The following PACC1 variants were observed in gnomAD, a reference collection of about 807,000 sequenced individuals.
The protein encoded by PACC1 is proton activated chloride channel 1, also known as proton-activated chloride channel.
PACC1 carries 34 observed loss-of-function variants against 39.7 expected under a neutral mutation model. That is an observed-to-expected ratio of 0.86 (90% confidence interval 0.65 to 1.14). PACC1 has a LOEUF of 1.14. Among genes scored for constraint, PACC1 ranks in the 50% most tolerant of loss-of-function variants. PACC1 has a pLI of 0.00. For synonymous variants in PACC1, 127 were observed against 160.6 expected (o/e 0.79, Z 1.58); for missense variants, 379 against 436.4 (o/e 0.87, Z 1.17).
intron 2 of PACC1, among the ~76,000 whole-genome samples, chr1:212,401,036 C>A (rs1357094368): frequency 6.6e-6 from 1 of 151,970 alleles, no homozygotes. Flanking sequence ...CCTTTTTTTT[C>A]TGTTTAGTGT....
At chr1:212,381,683 C>A (rs1185768530) in intron 4 of PACC1, among the ~76,000 whole-genome samples, 1 of 98,066 alleles carries the variant, frequency 1.0e-5, no homozygotes, top group East Asian at 2.5e-4. Flanking sequence ...CACAGACACA[C>A]ACACACACAC....
At chr1:212,412,410 CT>C (rs930109062) in intron 1 of PACC1, among the ~76,000 whole-genome samples, 7 of 152,348 alleles carry the variant, frequency 4.6e-5, no homozygotes, top group African/African-American at 9.6e-5. Context: ...TTGCCTGCCC[CT>C]GGCCAAATTC....
At chr1:212,383,133 G>T (rs1367532934) in intron 4 of PACC1, among the ~76,000 whole-genome samples, 1 of 152,216 alleles carries the variant, frequency 6.6e-6, no homozygotes, top group Non-Finnish European at 1.5e-5. Flanking sequence ...TGGACTTCAA[G>T]AAATTGATGG....
chr1:212,389,384 G>A (rs1440237628), intron 2 of PACC1, among the ~76,000 whole-genome samples: 11 of 152,192 alleles, frequency 7.2e-5, no homozygotes, highest in Admixed American at 3.9e-4. Context: ...TTTCAACTAC[G>A]GCTAATGCAG....
At chr1:212,375,101 G>C (rs1490251735) in intron 7 of PACC1, 92 bp downstream of exon 7, 6 of 1,034,272 alleles carry the variant, frequency 5.8e-6, no homozygotes, top group Non-Finnish European at 7.1e-6. Context: ...AGACTTCAGG[G>C]CAGCATCATA....
intron 2 of PACC1, among the ~76,000 whole-genome samples, chr1:212,396,691 C>A (rs1661532005): frequency 7.3e-6 from 1 of 137,142 alleles, no homozygotes; most frequent in Non-Finnish European, 1.6e-5. Flanking sequence ...AAACGCCAAC[C>A]AGGATAACTT....
rs539370281 is a variant in PACC1 at position 212,388,785 on chromosome 1, G to A, written c.134-1685C>T. ...GTGGCATTTTGTTACAGCAGTCTGA[G>A]CTGACTAAGATACTCCCACAGGGCT... On this transcript the variant is annotated intron_variant, in intron 2 of 7. Transcript: ENST00000261455. Among the ~76,000 whole-genome samples the A allele has an allele frequency of 5.7e-4, 87 of 152,276 alleles. 1 individual carries two copies. Among genetic ancestry groups the A allele is most frequent in the Non-Finnish European group, 9.7e-4 (66 of 68,016 alleles).
Position 212,384,417 on chromosome 1 carries a change from T to G in PACC1, c.495+857A>C, listed in dbSNP as rs531428436. On this transcript the variant is annotated intron_variant, in intron 4 of 7. Transcript: ENST00000261455. ...TTCTTTTCTCATCTGGCCATTACTC[T>G]GTCCACAGCTTCATCACCCATCAGT... 7.2e-5 allele frequency among the ~76,000 whole-genome samples: 11 copies of G among 152,334 alleles called. No individual in the cohort carries two copies. The South Asian group carries it at 1.4e-3, about 20-fold the overall frequency.
chr1:212,391,123 G>A (rs1661304620), intron 2 of PACC1, among the ~76,000 whole-genome samples: 1 of 152,232 alleles, frequency 6.6e-6, no homozygotes, highest in African/African-American at 2.4e-5. Context: ...TTTGAGATCT[G>A]AGAACAGACA....
intron 6 of PACC1, 113 bp downstream of exon 6, chr1:212,377,449 T>TACTC: frequency 7.0e-7 from 1 of 1,423,950 alleles, no homozygotes; most frequent in Non-Finnish European, 9.6e-7. Flanking sequence ...GACCAAGGCC[T>TACTC]ACTCACCCTT....
rs1274269762 is a variant in PACC1 at position 212,410,470 on chromosome 1, G to C, written c.88C>G (p.Gln30Glu). Reference protein sequence around the residue: ...VVENSELADEQDKETVRVQGP... With the variant: ...VVENSELADEEDKETVRVQGP... The stretch of plus-strand genomic sequence containing the variant: ...TGGACTCTGACCGTCTCCTTGTCCT[G>C]CTCGTCTGCCAGCTCTGAGTTCTCA... Residue 30 changes from glutamine (Q) to glutamate (E), a missense_variant, in exon 2 of 8, where the codon CAG becomes GAG. Physicochemically the swap from Gln to Glu is conservative, Grantham distance 29 (BLOSUM62 2). Coordinates refer to ENST00000261455, the MANE Select transcript of PACC1 (RefSeq NM_018252.3). 1.2e-6 allele frequency: 2 copies of C among 1,614,160 alleles called. No individual in the cohort carries two copies. Among genetic ancestry groups the C allele is most frequent in the Non-Finnish European group, 1.7e-6 (2 of 1,180,020 alleles).
intron 7 of PACC1, among the ~76,000 whole-genome samples, chr1:212,368,277 A>G (rs907488780): frequency 6.6e-6 from 1 of 152,194 alleles, no homozygotes; most frequent in African/African-American, 2.4e-5. Flanking sequence ...ATGGGTATAA[A>G]CAAGGGCAGA....
At chr1:212,365,425 G>GT in intron 7 of PACC1, 49 bp from the exon 8 acceptor site, 1 of 1,023,668 alleles carries the variant, frequency 9.8e-7, no homozygotes, top group Admixed American at 2.7e-5. Context: ...CTTCAGTCTT[G>GT]ATTCTTTTTT....
chr1:212,377,343 C>T (rs1321097069), intron 6 of PACC1, among the ~76,000 whole-genome samples: 2 of 152,306 alleles, frequency 1.3e-5, no homozygotes, highest in Non-Finnish European at 2.9e-5. Context: ...ACATGCATTC[C>T]GTGAGGACTG....
intron 2 of PACC1, among the ~76,000 whole-genome samples, chr1:212,403,590 T>C (rs1428531576): frequency 6.6e-6 from 1 of 152,084 alleles, no homozygotes; most frequent in East Asian, 1.9e-4. Flanking sequence ...TGAGACAGGG[T>C]CTCTCACTCT....
chr1:212,383,225 C>T (rs915268552), intron 4 of PACC1, among the ~76,000 whole-genome samples: 1 of 152,190 alleles, frequency 6.6e-6, no homozygotes, highest in Admixed American at 6.5e-5. Context: ...TCTTTGTGCC[C>T]TTATTTCAAG....
At chr1:212,367,467 T>C (rs1046125527) in intron 7 of PACC1, among the ~76,000 whole-genome samples, 6 of 152,164 alleles carry the variant, frequency 3.9e-5, no homozygotes, top group East Asian at 1.9e-4. Flanking sequence ...AAAAGAGTAT[T>C]AGGCCCACCC....
intron 7 of PACC1, among the ~76,000 whole-genome samples, chr1:212,374,600 C>T (rs1254326410): frequency 6.6e-6 from 1 of 152,170 alleles, no homozygotes; most frequent in Non-Finnish European, 1.5e-5. Context: ...GATAACCCAA[C>T]TACCCTGATT....
chr1:212,364,930 A>G lies in PACC1; in HGVS notation c.*285T>C, dbSNP rs1660176737. 5.1e-6 allele frequency: 1 copy of G among 195,934 alleles called. No individual in the cohort carries two copies. The allele number at this position is 195,934 out of a possible 1,614,324, so 12.1% of individuals were successfully genotyped here. ...CAATGAACCAAACAGGAAGAAAGGCATCTTCTACAAACCCTATTCAAAAGT... is the reference window on the plus strand; with the variant it reads ...CAATGAACCAAACAGGAAGAAAGGCGTCTTCTACAAACCCTATTCAAAAGT... On this transcript the variant is annotated 3_prime_UTR_variant, in exon 8 of 8. Coordinates refer to ENST00000261455, the MANE Select transcript of PACC1 (RefSeq NM_018252.3).
Sources: allele counts gnomAD v4.1 joint callset (sites outside exome capture counted in the v4.1 genomes callset), GRCh38; gene constraint gnomAD v4.1.1; transcripts MANE v1.5; gene names NCBI Gene and HGNC (gene_info 2026-07-23, HGNC 2026-07-21).